FAT1: variants seen among roughly 807,000 people sequenced by gnomAD.
FAT1 encodes protocadherin Fat 1.
Under a neutral mutation model 329.8 loss-of-function variants are expected in FAT1, and 171 were observed. That is an observed-to-expected ratio of 0.52 (90% CI 0.46 to 0.59). The LOEUF (loss-of-function observed/expected upper bound fraction) is 0.59. FAT1 is among the 20% of genes least tolerant of loss of function. The pLI is 0.00. For synonymous variants in FAT1, 2,233 were observed against 2,228.6 expected (o/e 1.00, Z -0.06); for missense variants, 5,672 against 5,774.4 (o/e 0.98, Z 0.57).
rs762733904 is a variant in FAT1, at chr4:186,709,125, T to C, written c.703A>G (p.Ser235Gly). 32 of 1,613,966 alleles carry C rather than the reference T, an allele frequency of 2.0e-5. No homozygotes were observed. Among genetic ancestry groups the C allele is most frequent in the Admixed American group, 3.3e-5 (2 of 60,032 alleles). The part of the protein sequence containing the change: ...ADRGMKLYGS[S>G]GISSMAKLTV... Reference sequence around the variant, plus strand: ...AGCTTGGCCATGCTGCTGATGCCACTGCTCCCATACAACTTCATGCCACGG... The same window carrying C: ...AGCTTGGCCATGCTGCTGATGCCACCGCTCCCATACAACTTCATGCCACGG... Residue 235 changes from serine (S) to glycine (G), a missense_variant, in exon 2 of 27, where the codon AGT (serine) becomes GGT (glycine). Ser to Gly is a moderately conservative substitution (Grantham distance 56). This residue lies in a region of FAT1 where 3,966 missense variants were observed against 3,915.2 expected (regional missense o/e 1.01). Transcript: ENST00000441802.
At chr4:186,682,813 CACT>C (rs1451154577) in intron 2 of FAT1, among the ~76,000 whole-genome samples, 2 of 152,182 alleles carry the variant, frequency 1.3e-5, no homozygotes, top group Admixed American at 6.5e-5. Flanking sequence ...CTACAAACAC[CACT>C]GAGGGCCCCA....
At position 186,597,915 on chromosome 4, in the gene FAT1, T is replaced by TGG. The variant is rs1738610700; in HGVS notation, c.12257+56_12257+57insCC. 5 of 1,576,906 alleles carry TGG rather than the reference T, an allele frequency of 3.2e-6. No individual in the cohort carries two copies. In the East Asian group the frequency reaches 9.0e-5, roughly 28 times the overall value. Reference sequence around the variant, plus strand: ...TGCAGACTTTTTACATGTACCATTATATGTTTAAGAATTTTATACTACAAT... The same window carrying TGG: ...TGCAGACTTTTTACATGTACCATTATGGATGTTTAAGAATTTTATACTACAAT... On this transcript the variant is annotated intron_variant, in intron 23 of 26. Transcript: ENST00000441802.
intron 1 of FAT1, among the ~76,000 whole-genome samples, chr4:186,719,613 G>A (rs557057475): frequency 2.6e-5 from 4 of 152,308 alleles, no homozygotes; most frequent in Admixed American, 1.3e-4. Flanking sequence ...ATCAAATGTG[G>A]AACCTAGCTC....
chr4:186,696,730 A>C (rs551066075), intron 2 of FAT1, among the ~76,000 whole-genome samples: 19 of 152,350 alleles, frequency 1.2e-4, no homozygotes, highest in African/African-American at 4.3e-4. Flanking sequence ...GTCCATTTAA[A>C]TAAAAATTCT....
chr4:186,620,113 T>C lies in FAT1; in HGVS notation c.6473A>G (p.Asp2158Gly). 3 of 1,614,036 alleles carry C rather than the reference T, an allele frequency of 1.9e-6. No homozygotes were observed. The highest frequency in any genetic ancestry group is 2.5e-6 in the Non-Finnish European group (3 of 1,179,892). The change falls in exon 10 of 27, where the codon GAT (aspartate) becomes GGT (glycine). Residue 2158 changes from aspartate to glycine, a missense_variant. Physicochemically the swap from Asp to Gly is moderately conservative, Grantham distance 94. Around this residue, in one of 2 missense-constraint regions of FAT1, gnomAD observed 3,966 missense variants for 3,915.2 expected, o/e 1.01. Coordinates refer to ENST00000441802, the MANE Select transcript of FAT1 (RefSeq NM_005245.4). Reference protein sequence around the residue: ...KEYLVTVVAKDGGNPAFSAEV... With the variant: ...KEYLVTVVAKGGGNPAFSAEV... ...CGCTGAAAAGGCCGGGTTCCCTCCA[T>C]CTTTTGCAACCACTGTAACAAGATA... is the stretch of plus-strand genomic sequence containing the variant.
At position 186,603,275 on chromosome 4, in the gene FAT1, T is replaced by C. The variant is rs763669815; in HGVS notation, c.11251A>G (p.Lys3751Glu). ...LDCPWKFCDE[K>E]VSVDESVMST... The stretch of plus-strand genomic sequence containing the variant: ...ATCACACTTTCATCCACAGACACCT[T>C]TTCATCGCAGAACTTCCAGGGGCAG... The change falls in exon 19 of 27, where the codon AAG becomes GAG. Residue 3751 changes from lysine (K) to glutamate (E), a missense_variant. Physicochemically the swap from Lys to Glu is moderately conservative, Grantham distance 56. Transcript: ENST00000441802. 3 of 1,613,932 alleles carry C rather than the reference T, an allele frequency of 1.9e-6. 1 individual carries two copies. The highest frequency in any genetic ancestry group is 2.2e-5 in the East Asian group (1 of 44,866).
At chr4:186,597,525 T>C (rs1431247587) in intron 24 of FAT1, among the ~76,000 whole-genome samples, 157 bp downstream of exon 24, 1 of 152,114 alleles carries the variant, frequency 6.6e-6, no homozygotes, top group Non-Finnish European at 1.5e-5. Flanking sequence ...TAATTCATTT[T>C]AAAGAGTGAA....
chr4:186,633,619 G>T, intron 7 of FAT1, 65 bp downstream of exon 7: 1 of 1,580,704 alleles, frequency 6.3e-7, no homozygotes, highest in Non-Finnish European at 8.7e-7. Context: ...ATTGCCCGTG[G>T]ACCCCTAAGT....
intron 3 of FAT1, among the ~76,000 whole-genome samples, chr4:186,656,610 T>C (rs1741914127): frequency 6.6e-6 from 1 of 152,072 alleles, no homozygotes; most frequent in Non-Finnish European, 1.5e-5. Flanking sequence ...CTGAGCAGGG[T>C]AAACTGATGA....
chr4:186,666,341 T>C (rs1027764293), intron 2 of FAT1, among the ~76,000 whole-genome samples: 2 of 152,220 alleles, frequency 1.3e-5, no homozygotes, highest in African/African-American at 2.4e-5. Flanking sequence ...ACTGGTCTGC[T>C]AAATTAGCAA....
At chr4:186,721,876 T>C (rs568637167) in intron 1 of FAT1, among the ~76,000 whole-genome samples, 3,362 of 152,312 alleles carry the variant, frequency 0.022, 133 homozygotes, top group African/African-American at 0.075. Flanking sequence ...TTTCTTTTTT[T>C]TCCCCAGGCT....
At chr4:186,631,624 C>T (rs982762255) in intron 7 of FAT1, among the ~76,000 whole-genome samples, 4 of 150,956 alleles carry the variant, frequency 2.6e-5, no homozygotes, top group African/African-American at 7.4e-5. Flanking sequence ...CCAGCTGACT[C>T]CTGTGCTCTT....
rs1333160509 is a variant in FAT1, at chr4:186,708,790, C to T, written c.1038G>A (p.Gln346=). 6.2e-7 allele frequency: 1 copy of T among 1,613,956 alleles called. No homozygotes were observed. Among genetic ancestry groups the T allele is most frequent in the African/African-American group, 1.3e-5 (1 of 75,042 alleles). ...CGTGAATGACTTTAACAGAAGAGAACTGGGGCGGAGTTCCTTTATCTTTAG... is the reference window on the plus strand; with the variant it reads ...CGTGAATGACTTTAACAGAAGAGAATTGGGGCGGAGTTCCTTTATCTTTAG... ...LQAKDKGTPP[Q]FSSVKVIHVT... The change falls in exon 2 of 27, where the codon CAG becomes CAA. Residue 346 remains glutamine (Q), a synonymous_variant. Coordinates refer to ENST00000441802, the MANE Select transcript of FAT1 (RefSeq NM_005245.4).
chr4:186,591,366 A>G (rs1197430534), intron 26 of FAT1, among the ~76,000 whole-genome samples: 1 of 152,232 alleles, frequency 6.6e-6, no homozygotes, highest in African/African-American at 2.4e-5. Flanking sequence ...AGTAATTTTA[A>G]AAGACTGTGG....
chr4:186,723,503 G>A (rs895422717), intron 1 of FAT1, among the ~76,000 whole-genome samples, 161 bp downstream of exon 1: 8 of 152,172 alleles, frequency 5.3e-5, no homozygotes, highest in Non-Finnish European at 1.2e-4. Flanking sequence ...TCCCAACTGG[G>A]AAGGACCGAG....
chr4:186,635,123 G>A (rs1325890771), intron 6 of FAT1, among the ~76,000 whole-genome samples: 1 of 152,132 alleles, frequency 6.6e-6, no homozygotes, highest in Non-Finnish European at 1.5e-5. Context: ...AGTTCCAAAG[G>A]TAAGGCCTGG....
chr4:186,596,736 C>T lies in FAT1; in HGVS notation c.12804G>A (p.Leu4268=), dbSNP rs1032269769. The change falls in exon 25 of 27, where the codon CTG becomes CTA. Residue 4268 remains leucine, a synonymous_variant. Coordinates refer to ENST00000441802, the MANE Select transcript of FAT1 (RefSeq NM_005245.4). The surrounding 1 kb of genome is among the most constrained non-coding windows in gnomAD (Gnocchi z 4.7). ...PSIPSDSRNN[L]DRNSFEGSAI... ...CAGATCCTTCGAAGGAATTTCGGTC[C>T]AGATTGTTTCTTGAGTCACTTGGAA... is the stretch of plus-strand genomic sequence containing the variant. 1.2e-6 allele frequency: 2 copies of T among 1,613,856 alleles called. No individual in the cohort carries two copies. Among genetic ancestry groups the T allele is most frequent in the Non-Finnish European group, 1.7e-6 (2 of 1,179,890 alleles).
chr4:186,651,917 T>C (rs997076391), intron 3 of FAT1, among the ~76,000 whole-genome samples: 1 of 152,218 alleles, frequency 6.6e-6, no homozygotes, highest in African/African-American at 2.4e-5. Context: ...TGTTTGTCCC[T>C]GAAGTACTGG....
chr4:186,708,739 C>G lies in FAT1; in HGVS notation c.1089G>C (p.Gly363=), dbSNP rs367778562. 1 of 1,613,996 alleles carries G rather than the reference C, an allele frequency of 6.2e-7. No individual in the cohort carries two copies. The highest frequency in any genetic ancestry group is 8.5e-7 in the Non-Finnish European group (1 of 1,179,898). ...IHVTSPQFKA[G]PVKFEKDVYR... is the part of the protein sequence containing the mutation. ...AAACATCCTTTTCAAACTTGACTGG[C>G]CCGGCTTTGAACTGTGGAGAAGTCA... is the stretch of plus-strand genomic sequence containing the variant. The change falls in exon 2 of 27, where the codon GGG becomes GGC. Residue 363 remains glycine, a synonymous_variant. Coordinates refer to ENST00000441802, the MANE Select transcript of FAT1 (RefSeq NM_005245.4).
Sources: gnomAD v4.1 joint callset for allele counts (sites outside exome capture counted in the v4.1 genomes callset) on GRCh38, gnomAD v4.1.1 for gene constraint, gnomAD v4.1.1 regional missense constraint, Gnocchi (gnomAD v3.1) non-coding constraint, MANE v1.5 for transcripts, NCBI Gene and HGNC (gene_info 2026-07-23, HGNC 2026-07-21) for gene names.